APOL5: variants seen among roughly 807,000 people sequenced by gnomAD.
The protein encoded by APOL5 is apolipoprotein L, 5.
Under a neutral mutation model 35.5 loss-of-function variants are expected in APOL5, and 29 were observed. The observed-to-expected ratio is 0.82, with a 90% CI of 0.61 to 1.11. The LOEUF is 1.11. APOL5 is among the 50% of genes most tolerant of loss of function. APOL5 has a pLI of 0.00. For missense variants in APOL5, 514 were observed against 530.4 expected (o/e 0.97, Z 0.30); for synonymous variants, 188 against 200.2 (o/e 0.94, Z 0.51).
intron 2 of APOL5, among the ~76,000 whole-genome samples, 165 bp downstream of exon 2, chr22:35,720,819 C>T (rs1042934997): frequency 1.3e-5 from 2 of 152,304 alleles, no homozygotes; most frequent in East Asian, 1.9e-4. Context: ...GATCTCGGCT[C>T]ACTGCAACCT....
chr22:35,727,250 G>A (rs976259166), intron 3 of APOL5, 56 bp downstream of exon 3: 1 of 1,546,792 alleles, frequency 6.5e-7, no homozygotes, highest in South Asian at 1.2e-5. Context: ...AGCTTACCAT[G>A]AGGGTGGGGG....
upstream of APOL5, among the ~76,000 whole-genome samples, chr22:35,715,514 TG>T (rs1345569668): frequency 6.6e-6 from 1 of 152,032 alleles, no homozygotes; most frequent in Non-Finnish European, 1.5e-5. Flanking sequence ...GGCGTGGTGG[TG>T]CACACCTATA....
upstream of APOL5, among the ~76,000 whole-genome samples, chr22:35,713,277 A>T (rs990714464): frequency 6.6e-6 from 1 of 152,194 alleles, no homozygotes; most frequent in South Asian, 2.1e-4. Context: ...AGAAATTGAG[A>T]ATGTGATCCA....
Position 35,728,864 on chromosome 22 carries a change from A to G in APOL5, c.1268A>G (p.Lys423Arg). The change falls in exon 4 of 5, where the codon AAG becomes AGG. Residue 423 changes from lysine (K) to arginine (R), a missense_variant. By Grantham distance (26) the Lys-to-Arg change is conservative. This residue lies in a region of APOL5 where 238 missense variants were observed against 229.1 expected (regional missense o/e 1.04). Coordinates refer to ENST00000249044, the MANE Select transcript of APOL5 (RefSeq NM_030642.1). The stretch of plus-strand genomic sequence containing the variant: ...CCAGCCCCACCAGCACCAGCAAGAA[A>G]GGGGAGACAGGCCCCGGGAAGACAC... ...HQPAPPAPAR[K>R]GRQAPGRHRQ 1 of 1,609,854 alleles carries G rather than the reference A, an allele frequency of 6.2e-7. No homozygotes were observed. Among genetic ancestry groups the G allele is most frequent in the Non-Finnish European group, 8.5e-7 (1 of 1,178,194 alleles).
the APOL5 span, among the ~76,000 whole-genome samples, chr22:35,712,606 C>T: frequency 1.3e-5 from 2 of 152,168 alleles, no homozygotes; most frequent in African/African-American, 4.8e-5. Flanking sequence ...GGAGAAATAT[C>T]TATTCACATC....
chr22:35,713,390 C>A (rs1359256825), upstream of APOL5, among the ~76,000 whole-genome samples: 1 of 152,108 alleles, frequency 6.6e-6, no homozygotes, highest in Non-Finnish European at 1.5e-5. Flanking sequence ...TGCTGGGGTC[C>A]CTCCCTGCAC....
At chr22:35,727,255 T>G (rs539387441) in intron 3 of APOL5, 61 bp downstream of exon 3, 166 of 1,541,274 alleles carry the variant, frequency 1.1e-4, no homozygotes, top group Admixed American at 4.3e-4. Context: ...ACCATGAGGG[T>G]GGGGGGCGAC....
In APOL5 at chr22:35,726,984, G is replaced by T. The variant is rs1927188319; in HGVS notation, c.916G>T (p.Asp306Tyr). The change falls in exon 3 of 5, where the codon GAC becomes TAC. Residue 306 changes from aspartate (D) to tyrosine (Y), a missense_variant. Physicochemically the swap from Asp to Tyr is radical, Grantham distance 160. Transcript: ENST00000249044. The stretch of plus-strand genomic sequence containing the variant: ...TGGGGCTGGCTTCTTACTTATGAAA[G>T]ACATGAGCAGCTTCCTGCAGAGCTG... ...AAGAGFLLMKDMSSFLQSWKH... is the reference protein window; with the variant it reads ...AAGAGFLLMKYMSSFLQSWKH... The T allele has an allele frequency of 6.2e-7, 1 of 1,614,072 alleles. No individual in the cohort carries two copies. Among genetic ancestry groups the T allele is most frequent in the Non-Finnish European group, 8.5e-7 (1 of 1,180,026 alleles).
At chr22:35,711,758 C>A in the APOL5 span, among the ~76,000 whole-genome samples, 1 of 150,226 alleles carries the variant, frequency 6.7e-6, no homozygotes, top group East Asian at 2.0e-4. Context: ...TCACTGCAAC[C>A]TTTGTCTCCC....
chr22:35,718,010 T>C, intron 1 of APOL5, 84 bp downstream of exon 1: 1 of 1,133,752 alleles, frequency 8.8e-7, no homozygotes, highest in Non-Finnish European at 1.2e-6. Context: ...CGTTACACTA[T>C]TTTTTATACC....
chr22:35,721,433 C>A (rs900911081), intron 2 of APOL5, among the ~76,000 whole-genome samples: 3 of 151,974 alleles, frequency 2.0e-5, no homozygotes, highest in African/African-American at 7.3e-5. Context: ...ATCCCAGCTA[C>A]ATGGGAGGCT....
chr22:35,727,565 T>A (rs1478535492), intron 3 of APOL5, among the ~76,000 whole-genome samples: 1 of 151,984 alleles, frequency 6.6e-6, no homozygotes, highest in Non-Finnish European at 1.5e-5. Flanking sequence ...GATGACATCA[T>A]AGGAAGTCGA....
At chr22:35,718,847 TG>T (rs1022621881) in intron 1 of APOL5, among the ~76,000 whole-genome samples, 6 of 151,486 alleles carry the variant, frequency 4.0e-5, no homozygotes, top group African/African-American at 1.5e-4. Flanking sequence ...CACCTGAGGT[TG>T]GGAGTTTGAG....
chr22:35,717,762 A>G, upstream of APOL5: 1 of 440,308 alleles, frequency 2.3e-6, no homozygotes, highest in Non-Finnish European at 3.3e-6. Context: ...AAGAAAGAAA[A>G]GAAAAGAAAA....
At chr22:35,725,620 G>T (rs1010533701) in intron 2 of APOL5, among the ~76,000 whole-genome samples, 1 of 152,030 alleles carries the variant, frequency 6.6e-6, no homozygotes, top group African/African-American at 2.4e-5. Context: ...AGTACTGATC[G>T]CTGGGGTTGA....
the APOL5 span, among the ~76,000 whole-genome samples, chr22:35,709,587 G>A: frequency 6.6e-6 from 1 of 152,070 alleles, no homozygotes; most frequent in Non-Finnish European, 1.5e-5. Flanking sequence ...GACCTAGTGT[G>A]CTCTTTTATA....
intron 2 of APOL5, among the ~76,000 whole-genome samples, chr22:35,721,965 C>T (rs1281266745): frequency 6.6e-6 from 1 of 152,186 alleles, no homozygotes; most frequent in Admixed American, 6.5e-5. Context: ...AAATGGGTTG[C>T]CTGCGCTTTC....
the APOL5 span, among the ~76,000 whole-genome samples, chr22:35,710,113 C>CTTTTTTTTTTTTTTTTTTTTTT: frequency 1.2e-5 from 1 of 86,668 alleles, no homozygotes; most frequent in Non-Finnish European, 2.1e-5. Flanking sequence ...CTTTCTTTCT[C>CTTTTTTTTTTTTTTTTTTTTTT]TTTTTTTTTT....
intron 2 of APOL5, among the ~76,000 whole-genome samples, chr22:35,724,763 A>G (rs571453384): frequency 6.6e-6 from 1 of 152,006 alleles, no homozygotes; most frequent in East Asian, 1.9e-4. Context: ...GGCGCCCACT[A>G]CCGTGCCTGG....
Sources: allele counts gnomAD v4.1 joint callset (sites outside exome capture counted in the v4.1 genomes callset), GRCh38; gene constraint gnomAD v4.1.1; regional missense constraint gnomAD v4.1.1; transcripts MANE v1.5; gene names NCBI Gene and HGNC (gene_info 2026-07-23, HGNC 2026-07-21).